The following TENM4 variants were observed in gnomAD, a reference collection of about 807,000 sequenced individuals.
TENM4 encodes teneurin-4.
A neutral mutation model predicts 243.3 loss-of-function variants in TENM4; 82 were observed. That is an observed-to-expected ratio of 0.34 (90% CI 0.28 to 0.40). The LOEUF (loss-of-function observed/expected upper bound fraction) is 0.40. Ranked by LOEUF, TENM4 falls within the 10% of genes least tolerant of loss-of-function variation. The probability of loss-of-function intolerance (pLI) is 1.00; values close to 1 mark genes in which losing one functional copy is unlikely to be tolerated. For missense variants in TENM4, 3,138 were observed against 3,673.3 expected (o/e 0.85, Z 3.77); for synonymous variants, 1,412 against 1,456.3 (o/e 0.97, Z 0.69).
Position 78,701,867 on chromosome 11 carries a change from A to C in TENM4, c.4746T>G (p.Ile1582Met), listed in dbSNP as rs1246771436. The part of the protein sequence containing the change: ...TQNMYELSSP[I>M]DQELYLFDTT... ...TATCAAACAGATAGAGCTCCTGGTC[A>C]ATTGGTGAAGACAGCTCATACATGT... is the stretch of plus-strand genomic sequence containing the variant. The change falls in exon 28 of 34, where the codon ATT becomes ATG. Residue 1582 changes from isoleucine (I) to methionine (M), a missense_variant. Physicochemically the swap from Ile to Met is conservative, Grantham distance 10. Around this residue, in one of 2 missense-constraint regions of TENM4, gnomAD observed 2,467 missense variants for 3,059.1 expected, o/e 0.81. Coordinates refer to ENST00000278550, the MANE Select transcript of TENM4 (RefSeq NM_001098816.3). 6.2e-7 allele frequency: 1 copy of C among 1,614,000 alleles called. No individual in the cohort carries two copies. Among genetic ancestry groups the C allele is most frequent in the South Asian group, 1.1e-5 (1 of 91,082 alleles).
intron 1 of TENM4, among the ~76,000 whole-genome samples, chr11:79,410,298 T>A (rs12286448): frequency 6.6e-5 from 10 of 152,034 alleles, no homozygotes; most frequent in African/African-American, 2.4e-4. Context: ...AGACAATATC[T>A]AAGGTCCCCA....
At chr11:78,936,806 G>A (rs1591144482) in intron 6 of TENM4, among the ~76,000 whole-genome samples, 1 of 152,190 alleles carries the variant, frequency 6.6e-6, no homozygotes, top group East Asian at 1.9e-4. Context: ...CGACAAGGTA[G>A]TGTGTTAGAA....
At position 79,138,403 on chromosome 11, in the gene TENM4, TA is replaced by T. The variant is rs1220944640; in HGVS notation, c.-66+10306del. Reference sequence around the variant, plus strand: ...ATATATTATATAATATAGTTATATATAAATAAAATATATATTATATTATATA... The same window carrying T: ...ATATATTATATAATATAGTTATATATAATAAAATATATATTATATTATATA... On this transcript the variant is annotated intron_variant, in intron 4 of 33. Transcript: ENST00000278550. 4.6e-3 allele frequency among the ~76,000 whole-genome samples: 548 copies of T among 118,300 alleles called. 6 individuals are homozygous for T. Among genetic ancestry groups the T allele is most frequent in the African/African-American group, 0.018 (518 of 29,534 alleles). The allele number at this position is 118,300 out of a possible 152,430, so 77.6% of individuals were successfully genotyped here. A position where few individuals can be genotyped will look rare whatever the true frequency, so the allele number is the denominator to read the frequency against.
intron 6 of TENM4, among the ~76,000 whole-genome samples, chr11:79,022,193 G>T (rs10793352): frequency 0.38 from 57,543 of 151,988 alleles, 14,286 homozygotes; most frequent in African/African-American, 0.71. Flanking sequence ...TCACATATAT[G>T]AATTTGTATT....
chr11:79,167,147 C>T (rs1380145825), intron 3 of TENM4, among the ~76,000 whole-genome samples: 11 of 152,210 alleles, frequency 7.2e-5, no homozygotes, highest in Non-Finnish European at 1.2e-4. Context: ...TTACCAAAGC[C>T]CAGGCTCCTT....
At chr11:79,079,847 A>AAG (rs1555004185) in intron 4 of TENM4, among the ~76,000 whole-genome samples, 4 of 151,704 alleles carry the variant, frequency 2.6e-5, no homozygotes, top group South Asian at 2.1e-4. Context: ...AAAAAAAAAA[A>AAG]AAGAAGAAAG....
chr11:79,284,350 T>A (rs185869502), intron 2 of TENM4, among the ~76,000 whole-genome samples: 1 of 152,326 alleles, frequency 6.6e-6, no homozygotes, highest in Admixed American at 6.5e-5. Context: ...TACTGGCATA[T>A]GAGTAGATAT....
chr11:79,050,394 A>G lies in TENM4; in HGVS notation c.493+14344T>C, dbSNP rs116441067. On this transcript the variant is annotated intron_variant, in intron 6 of 33. Coordinates refer to ENST00000278550, the MANE Select transcript of TENM4 (RefSeq NM_001098816.3). ...CTTAAGCGGTTTCCCTCTTTTTGCT[A>G]CCAGGTGAGGCCGCATGTAGAGTGA... Among the ~76,000 whole-genome samples, 802 of 152,258 alleles carry G rather than the reference A, an allele frequency of 5.3e-3. 5 individuals carry two copies. The highest frequency in any genetic ancestry group is 0.018 in the African/African-American group (757 of 41,534).
At chr11:79,340,042 G>A (rs964795638) in intron 1 of TENM4, among the ~76,000 whole-genome samples, 2 of 152,172 alleles carry the variant, frequency 1.3e-5, no homozygotes, top group Non-Finnish European at 2.9e-5. Flanking sequence ...AGACTTCCTC[G>A]AGCTTTAGAA....
chr11:78,703,401 C>T (rs919539804), intron 27 of TENM4, among the ~76,000 whole-genome samples: 2 of 152,210 alleles, frequency 1.3e-5, no homozygotes, highest in African/African-American at 4.8e-5. Context: ...TCTAGTACCT[C>T]AGAGAACAGG....
At chr11:79,129,916 C>T (rs1237438555) in intron 4 of TENM4, among the ~76,000 whole-genome samples, 2 of 152,174 alleles carry the variant, frequency 1.3e-5, no homozygotes, top group Non-Finnish European at 2.9e-5. Flanking sequence ...CACCTCCTGG[C>T]AGGAGGCCAA....
At chr11:79,331,203 GC>G (rs1440194867) in intron 1 of TENM4, among the ~76,000 whole-genome samples, 2 of 152,134 alleles carry the variant, frequency 1.3e-5, no homozygotes, top group African/African-American at 2.4e-5. Flanking sequence ...GTGGAGACGG[GC>G]TGACCTGTCC....
intron 6 of TENM4, among the ~76,000 whole-genome samples, chr11:78,983,184 C>T (rs1857840613): frequency 6.6e-6 from 1 of 152,238 alleles, no homozygotes. Context: ...AGTCTATTCA[C>T]ATTTGTTAGT....
chr11:78,791,397 T>C (rs147575217), intron 15 of TENM4, among the ~76,000 whole-genome samples: 1 of 152,362 alleles, frequency 6.6e-6, no homozygotes, highest in African/African-American at 2.4e-5. Flanking sequence ...CTCATATGTC[T>C]TTTACATAAT....
chr11:78,771,199 C>G, intron 17 of TENM4, 61 bp from the exon 18 acceptor site: 12 of 1,535,340 alleles, frequency 7.8e-6, no homozygotes, highest in Non-Finnish European at 9.7e-6. Flanking sequence ...ATCACACACA[C>G]TAACACGCTA....
chr11:78,942,615 C>T (rs1318547343), intron 6 of TENM4, among the ~76,000 whole-genome samples: 1 of 152,124 alleles, frequency 6.6e-6, no homozygotes, highest in Non-Finnish European at 1.5e-5. Flanking sequence ...TCCTCTGAGC[C>T]CGTAGTCATT....
chr11:79,127,144 G>C (rs1861896298), intron 4 of TENM4, among the ~76,000 whole-genome samples: 1 of 152,186 alleles, frequency 6.6e-6, no homozygotes, highest in Non-Finnish European at 1.5e-5. Flanking sequence ...CTCCCACATT[G>C]GCTCCCTGAC....
chr11:78,961,862 C>T (rs1419463370), intron 6 of TENM4, among the ~76,000 whole-genome samples: 1 of 151,680 alleles, frequency 6.6e-6, no homozygotes, highest in African/African-American at 2.4e-5. Flanking sequence ...GTTTCCTTCT[C>T]GTGATGTCTG....
chr11:78,708,984 T>TTTTTTTTTA (rs59432159), intron 26 of TENM4, among the ~76,000 whole-genome samples: 6 of 145,258 alleles, frequency 4.1e-5, no homozygotes, highest in African/African-American at 1.6e-4. Flanking sequence ...TTTTTTTTTT[T>TTTTTTTTTA]AAAAAAAGAG....
Sources: allele counts gnomAD v4.1 joint callset (sites outside exome capture counted in the v4.1 genomes callset), GRCh38; gene constraint gnomAD v4.1.1; regional missense constraint gnomAD v4.1.1; transcripts MANE v1.5; gene names NCBI Gene and HGNC (gene_info 2026-07-23, HGNC 2026-07-21).